RELCH: variants seen among roughly 807,000 people sequenced by gnomAD.
The protein encoded by RELCH is RAB11 binding and LisH domain, coiled-coil and HEAT repeat containing.
In RELCH, 41 loss-of-function variants were observed where a neutral mutation model predicts 150.3. The observed-to-expected ratio is 0.27, with a 90% CI of 0.21 to 0.35. The LOEUF is 0.35. Ranked by LOEUF, RELCH falls within the 10% of genes least tolerant of loss-of-function variation. The pLI is 1.00. For missense variants in RELCH, 1,092 were observed against 1,467.8 expected (o/e 0.74, Z 4.18); for synonymous variants, 478 against 531.8 (o/e 0.90, Z 1.39).
chr18:62,246,986 A>G lies in RELCH; in HGVS notation c.1733+2110A>G, dbSNP rs572713201. 9.8e-5 allele frequency: 15 copies of G among 152,336 alleles called. No homozygotes were observed. The South Asian group carries it at 2.3e-3, about 23-fold the overall frequency. The allele number at this position is 152,336 out of a possible 1,614,324, so 9.4% of individuals were successfully genotyped here. ...AACTCCAGCCTACTTCAAATCCTGT[A>G]TAGCATAAATTATCATCATTGTCAA... is the stretch of plus-strand genomic sequence containing the variant. On this transcript the variant is annotated intron_variant, in intron 11 of 28. Coordinates refer to ENST00000644646, the MANE Select transcript of RELCH (RefSeq NM_001346231.2).
intron 20 of RELCH, among the ~76,000 whole-genome samples, chr18:62,272,765 A>G (rs1231800257): frequency 6.6e-6 from 1 of 152,096 alleles, no homozygotes. Flanking sequence ...GAAAGAATTC[A>G]TACTTATTTA....
chr18:62,258,590 G>C lies in RELCH; in HGVS notation c.2116G>C (p.Ala706Pro). The change falls in exon 15 of 29, where the codon GCT (alanine) becomes CCT (proline). Residue 706 changes from alanine to proline, a missense_variant. Ala to Pro is a conservative substitution (Grantham distance 27). This residue lies in a region of RELCH where 707 missense variants were observed against 1,025.4 expected (regional missense o/e 0.69). Coordinates refer to ENST00000644646, the MANE Select transcript of RELCH (RefSeq NM_001346231.2). ...VSATHQVFLP[A>P]YAAWTTELGN... ...TGCTACACATCAAGTATTTTTACCA[G>C]CTTACGCTGCGTGGACTACAGAACT... is the stretch of plus-strand genomic sequence containing the variant. 1 of 1,605,408 alleles carries C rather than the reference G, an allele frequency of 6.2e-7. No individual in the cohort carries two copies.
At chr18:62,246,143 C>T (rs1174961299) in intron 11 of RELCH, 2 of 152,176 alleles carry the variant, frequency 1.3e-5, no homozygotes, top group Non-Finnish European at 2.9e-5. Context: ...CCTATAAAAG[C>T]TCAAAATGCA....
chr18:62,221,817 C>T (rs1025546340), intron 5 of RELCH, among the ~76,000 whole-genome samples: 5 of 151,600 alleles, frequency 3.3e-5, no homozygotes, highest in Non-Finnish European at 7.4e-5. Context: ...AGTATAGGTT[C>T]TTGTGTACTT....
At chr18:62,205,899 T>C (rs2039748875) in intron 1 of RELCH, among the ~76,000 whole-genome samples, 1 of 152,058 alleles carries the variant, frequency 6.6e-6, no homozygotes, top group Non-Finnish European at 1.5e-5. Flanking sequence ...TGGTGGCTCA[T>C]AGTCCCACCA....
intron 13 of RELCH, 54 bp downstream of exon 13, chr18:62,255,532 CT>C (rs1196235219): frequency 2.1e-5 from 28 of 1,305,680 alleles, no homozygotes; most frequent in African/African-American, 3.0e-5. Context: ...ATAGAAAAAC[CT>C]TTTTTTGAGT....
intron 11 of RELCH, among the ~76,000 whole-genome samples, chr18:62,251,141 T>C (rs931729389): frequency 6.6e-6 from 1 of 152,226 alleles, no homozygotes; most frequent in African/African-American, 2.4e-5. Context: ...ACTATTGTTT[T>C]GTAACAAAGT....
rs549213250 is a variant in RELCH at position 62,299,270 on chromosome 18, CT to C, written c.3530+412del. On this transcript the variant is annotated intron_variant, in intron 28 of 28. Transcript: ENST00000644646. The stretch of plus-strand genomic sequence containing the variant: ...AACTTGGGAATGTTCTAGTCACATG[CT>C]TCTAATCAAACTAATTGGAATCCAA... Among the ~76,000 whole-genome samples, 13 of 152,262 alleles carry C rather than the reference CT, an allele frequency of 8.5e-5. 1 individual carries two copies. The South Asian group carries it at 2.5e-3, about 29-fold the overall frequency.
intron 11 of RELCH, chr18:62,246,113 A>AT (rs772020861): frequency 4.6e-5 from 7 of 152,170 alleles, no homozygotes; most frequent in Non-Finnish European, 7.4e-5. Flanking sequence ...TCTCAGTGAT[A>AT]TTTTTTATGA....
At chr18:62,228,811 C>T (rs1368168720) in intron 8 of RELCH, among the ~76,000 whole-genome samples, 1 of 152,000 alleles carries the variant, frequency 6.6e-6, no homozygotes, top group Non-Finnish European at 1.5e-5. Context: ...AAAGGAATTA[C>T]CCATCAATGA....
intron 21 of RELCH, among the ~76,000 whole-genome samples, chr18:62,274,317 A>G (rs1034686529): frequency 6.6e-6 from 1 of 152,218 alleles, no homozygotes; most frequent in South Asian, 2.1e-4. Context: ...GAAAGGGTGC[A>G]GACATATGTT....
Position 62,261,507 on chromosome 18 carries a change from T to G in RELCH, c.2203-4T>G, listed in dbSNP as rs747941919. ...AAATTAGCTTCCACCTCCTTATGTTTCAGGAAGGAGAACATGGACTGGATG... is the reference window on the plus strand; with the variant it reads ...AAATTAGCTTCCACCTCCTTATGTTGCAGGAAGGAGAACATGGACTGGATG... On this transcript the variant is annotated splice_polypyrimidine_tract_variant and splice_region_variant and intron_variant, in intron 15 of 28. Transcript: ENST00000644646. The G allele has an allele frequency of 1.2e-6, 2 of 1,609,952 alleles. No individual in the cohort carries two copies. The highest frequency in any genetic ancestry group is 2.2e-5 in the South Asian group (2 of 90,432).
rs761929319 is a variant in RELCH at position 62,221,085 on chromosome 18, G to A, written c.665G>A (p.Arg222Gln). The A allele has an allele frequency of 5.6e-6, 9 of 1,613,274 alleles. No homozygotes were observed. The Admixed American group carries it at 6.7e-5, about 12-fold the overall frequency. Residue 222 changes from arginine to glutamine, a missense_variant, in exon 3 of 29, where the codon CGA becomes CAA. By Grantham distance (43) the Arg-to-Gln change is conservative. This residue lies in a region of RELCH where 190 missense variants were observed against 276.2 expected (regional missense o/e 0.69). Transcript: ENST00000644646. The part of the protein sequence containing the change: ...RKAKETIQAL[R>Q]ANLTKAAEHE... ...GCCAAGGAGACCATTCAGGCCCTCC[G>A]AGCCAACCTGACAAAGGCCGCAGGT...
At chr18:62,237,381 T>C (rs2041929035) in intron 10 of RELCH, among the ~76,000 whole-genome samples, 1 of 151,830 alleles carries the variant, frequency 6.6e-6, no homozygotes, top group African/African-American at 2.4e-5. Flanking sequence ...AAGTAGGGTA[T>C]TGAAGACTCC....
At chr18:62,217,900 A>G (rs1414346385) in intron 2 of RELCH, among the ~76,000 whole-genome samples, 1 of 152,006 alleles carries the variant, frequency 6.6e-6, no homozygotes, top group Non-Finnish European at 1.5e-5. Flanking sequence ...AGTTGAATAT[A>G]GAAAAACAAG....
intron 27 of RELCH, among the ~76,000 whole-genome samples, chr18:62,296,359 A>G (rs2045408434): frequency 6.6e-6 from 1 of 152,160 alleles, no homozygotes; most frequent in Non-Finnish European, 1.5e-5. Context: ...AGGCTGAGGC[A>G]GGCAGATACC....
At position 62,298,843 on chromosome 18, in the gene RELCH, C is replaced by T. The variant is rs1311646171; in HGVS notation, c.3513C>T (p.Thr1171=). 6.3e-6 allele frequency: 10 copies of T among 1,579,148 alleles called. No individual in the cohort carries two copies. Among genetic ancestry groups the T allele is most frequent in the Admixed American group, 3.5e-5 (2 of 57,002 alleles). ...KECEQKVENK[T]VQEPQGSMSI... ...GTGAACAAAAAGTTGAAAACAAGAC[C>T]GTCCAAGAGCCTCAAGGGTAAGACA... The change falls in exon 28 of 29, where the codon ACC becomes ACT. Residue 1171 remains threonine (T), a synonymous_variant. Transcript: ENST00000644646.
intron 11 of RELCH, chr18:62,246,099 A>G (rs1447633448): frequency 1.3e-5 from 2 of 152,144 alleles, no homozygotes; most frequent in African/African-American, 4.8e-5. Flanking sequence ...CTGCCTGTAT[A>G]TGTTCTCAGT....
chr18:62,267,175 A>G (rs2043608665), intron 19 of RELCH, among the ~76,000 whole-genome samples: 1 of 151,910 alleles, frequency 6.6e-6, no homozygotes, highest in Admixed American at 6.6e-5. Flanking sequence ...ATGAAACATG[A>G]GAGAAACTAC....
Sources: allele counts gnomAD v4.1 joint callset (sites outside exome capture counted in the v4.1 genomes callset), GRCh38; gene constraint gnomAD v4.1.1; regional missense constraint gnomAD v4.1.1; transcripts MANE v1.5; gene names NCBI Gene and HGNC (gene_info 2026-07-23, HGNC 2026-07-21).